The following NCOA2 variants were observed in gnomAD, a reference collection of about 807,000 sequenced individuals.
NCOA2 encodes nuclear receptor coactivator 2.
A neutral mutation model predicts 145.1 loss-of-function variants in NCOA2; 21 were observed. The observed-to-expected ratio is 0.14, with a 90% CI of 0.10 to 0.21. The LOEUF is 0.21. Ranked by LOEUF, NCOA2 falls within the 10% of genes least tolerant of loss-of-function variation. The pLI is 1.00. For missense variants in NCOA2, 1,472 were observed against 1,837.6 expected (o/e 0.80, Z 3.64); for synonymous variants, 619 against 637.5 (o/e 0.97, Z 0.44).
chr8:70,343,121 G>C (rs971832219), intron 1 of NCOA2, among the ~76,000 whole-genome samples: 5 of 152,170 alleles, frequency 3.3e-5, no homozygotes, highest in Non-Finnish European at 5.9e-5. Context: ...GCCTAAAGTT[G>C]TAACTCCATA....
chr8:70,127,130 G>T, intron 18 of NCOA2, 83 bp from the exon 19 acceptor site: 1 of 954,684 alleles, frequency 1.0e-6, no homozygotes. Context: ...AGAGAGGCTA[G>T]CAAATGGTAC....
intron 2 of NCOA2, among the ~76,000 whole-genome samples, chr8:70,225,552 A>G (rs1259326751): frequency 2.0e-5 from 3 of 151,902 alleles, no homozygotes; most frequent in African/African-American, 4.8e-5. Flanking sequence ...CTGTCTCAAA[A>G]AAAAAAAGAA....
intron 4 of NCOA2, among the ~76,000 whole-genome samples, chr8:70,207,884 A>AAAAAAAAG (rs1554593967): frequency 6.9e-6 from 1 of 144,154 alleles, no homozygotes; most frequent in Non-Finnish European, 1.5e-5. Flanking sequence ...AAAAAAAAAA[A>AAAAAAAAG]AAGAAGAAGA....
upstream of NCOA2, among the ~76,000 whole-genome samples, chr8:70,404,562 T>C (rs1017332934): frequency 1.3e-4 from 20 of 152,188 alleles, no homozygotes; most frequent in African/African-American, 3.9e-4. Context: ...GCTTCTCCCA[T>C]TGCAGTCCTA....
chr8:70,257,580 G>A (rs1040025643), intron 2 of NCOA2, among the ~76,000 whole-genome samples: 10 of 152,204 alleles, frequency 6.6e-5, no homozygotes, highest in African/African-American at 2.2e-4. Context: ...AGATGGGGCC[G>A]TCGGGGCCTC....
chr8:70,364,691 C>T (rs565476750), intron 1 of NCOA2, among the ~76,000 whole-genome samples: 1 of 150,680 alleles, frequency 6.6e-6, no homozygotes, highest in Non-Finnish European at 1.5e-5. Flanking sequence ...AAACCAAATG[C>T]ATCTGACACA....
Position 70,156,539 on chromosome 8 carries a change from T to C in NCOA2, c.1826A>G (p.Gln609Arg), listed in dbSNP as rs747817268. 5.6e-6 allele frequency: 9 copies of C among 1,613,802 alleles called. No individual in the cohort carries two copies. Among genetic ancestry groups the C allele is most frequent in the South Asian group, 1.1e-5 (1 of 91,076 alleles). Residue 609 changes from glutamine to arginine, a missense_variant, in exon 11 of 23, where the codon CAA becomes CGA. Around this residue, in one of 4 missense-constraint regions of NCOA2, gnomAD observed 953 missense variants for 1,062.1 expected, o/e 0.90. Coordinates refer to ENST00000452400, the MANE Select transcript of NCOA2 (RefSeq NM_006540.4). ...QAESSCHPGE[Q>R]KETNDPNLPP... ...CAGGTTGGGGTCATTTGTTTCCTTT[T>C]GCTCTCCAGGATGGCAGCTGCTCTC...
chr8:70,361,155 A>G (rs1810164329), intron 1 of NCOA2, among the ~76,000 whole-genome samples: 1 of 152,168 alleles, frequency 6.6e-6, no homozygotes, highest in Non-Finnish European at 1.5e-5. Flanking sequence ...ATTTTATAAT[A>G]CTAGCTTCTT....
At chr8:70,387,217 T>C (rs2131551508) in intron 1 of NCOA2, among the ~76,000 whole-genome samples, 1 of 152,328 alleles carries the variant, frequency 6.6e-6, no homozygotes, top group Non-Finnish European at 1.5e-5. Context: ...CAGGCTGCAG[T>C]ACAGTGGCTA....
chr8:70,163,494 T>C lies in NCOA2; in HGVS notation c.803A>G (p.Glu268Gly). 1 of 1,613,926 alleles carries C rather than the reference T, an allele frequency of 6.2e-7. No individual in the cohort carries two copies. Among genetic ancestry groups the C allele is most frequent in the Non-Finnish European group, 8.5e-7 (1 of 1,179,818 alleles). ...MKERPVLPSS[E>G]SFTTRQDLQG... ...GAGATCCTGGCGAGTAGTAAAACTT[T>C]CTGATGAGGGAAGAACTGGTCTTTC... The change falls in exon 8 of 23, where the codon GAA becomes GGA. Residue 268 changes from glutamate to glycine, a missense_variant. Physicochemically the swap from Glu to Gly is moderately conservative, Grantham distance 98. This residue lies in a region of NCOA2 where 284 missense variants were observed against 467.8 expected (regional missense o/e 0.61). Transcript: ENST00000452400.
the NCOA2 span, among the ~76,000 whole-genome samples, chr8:70,442,192 C>A: frequency 3.7e-5 from 4 of 108,350 alleles, no homozygotes; most frequent in African/African-American, 1.1e-4. Context: ...GTCTTTAGGC[C>A]GATGAGAGAA....
At position 70,118,942 on chromosome 8, in the gene NCOA2, C is replaced by A. The variant is rs190374325; in HGVS notation, c.4383+2360G>T. ...ACCTCAGGTGATCCATCCGCCTCAG[C>A]CTCCGAAAGTGTTGGGATTACAGGC... On this transcript the variant is annotated intron_variant, in intron 22 of 22. Transcript: ENST00000452400. 5.5e-3 allele frequency among the ~76,000 whole-genome samples: 831 copies of A among 152,200 alleles called. 9 individuals are homozygous for A. Among genetic ancestry groups the A allele is most frequent in the African/African-American group, 0.019 (786 of 41,540 alleles).
rs1467974999 is a variant in NCOA2, at chr8:70,188,537, GTAA to G, written c.260-13681_260-13679del. Among the ~76,000 whole-genome samples the G allele has an allele frequency of 2.0e-5, 3 of 152,294 alleles. No individual in the cohort carries two copies. In the South Asian group the frequency reaches 6.2e-4, roughly 32 times the overall value. ...GAGCTCTACAGAAGAAAGGCAGGAAGTAATAATATTATTCTGCATTTATAATGA... is the reference window on the plus strand; with the variant it reads ...GAGCTCTACAGAAGAAAGGCAGGAAGTAATATTATTCTGCATTTATAATGA... On this transcript the variant is annotated intron_variant, in intron 4 of 22. Coordinates refer to ENST00000452400, the MANE Select transcript of NCOA2 (RefSeq NM_006540.4).
chr8:70,442,134 A>AGAAG, the NCOA2 span, among the ~76,000 whole-genome samples: 1 of 125,408 alleles, frequency 8.0e-6, no homozygotes, highest in African/African-American at 4.2e-5. Flanking sequence ...AAAGAAAGAA[A>AGAAG]GAAAGAAAGA....
intron 4 of NCOA2, among the ~76,000 whole-genome samples, chr8:70,195,311 A>G (rs527667283): frequency 6.6e-6 from 1 of 152,338 alleles, no homozygotes; most frequent in East Asian, 1.9e-4. Context: ...ATAAAAGTGA[A>G]TATTTACATA....
chr8:70,160,533 A>G (rs1318573180), intron 9 of NCOA2, among the ~76,000 whole-genome samples: 1 of 152,200 alleles, frequency 6.6e-6, no homozygotes, highest in Non-Finnish European at 1.5e-5. Flanking sequence ...GTTCCTCTTA[A>G]ACCATTTTAA....
chr8:70,242,061 T>C (rs1364578370), intron 2 of NCOA2, among the ~76,000 whole-genome samples: 1 of 152,170 alleles, frequency 6.6e-6, no homozygotes, highest in African/African-American at 2.4e-5. Context: ...ATACTATGTT[T>C]ATTTATCATT....
intron 13 of NCOA2, among the ~76,000 whole-genome samples, chr8:70,142,804 G>C (rs1171052860): frequency 1.3e-5 from 2 of 151,998 alleles, no homozygotes; most frequent in South Asian, 2.1e-4. Flanking sequence ...TGGGAAAAAG[G>C]GATTTTATTT....
chr8:70,342,795 A>G (rs948041789), intron 1 of NCOA2, among the ~76,000 whole-genome samples: 8 of 149,122 alleles, frequency 5.4e-5, no homozygotes, highest in African/African-American at 2.0e-4. Context: ...ACACACACAC[A>G]CACACACACA....
Sources: allele counts gnomAD v4.1 joint callset (sites outside exome capture counted in the v4.1 genomes callset), GRCh38; gene constraint gnomAD v4.1.1; regional missense constraint gnomAD v4.1.1; transcripts MANE v1.5; gene names NCBI Gene and HGNC (gene_info 2026-07-23, HGNC 2026-07-21).